Variants in RAE1 observed in about 807,000 individuals in gnomAD.
RAE1 encodes mRNA export factor RAE1.
RAE1 carries 13 observed loss-of-function variants against 52.7 expected under a neutral mutation model. That is an observed-to-expected ratio of 0.25 (90% CI 0.16 to 0.39). RAE1 has a LOEUF of 0.39. Among genes scored for constraint, RAE1 ranks in the 10% least tolerant of loss-of-function variants. The probability of loss-of-function intolerance (pLI) is 1.00; values close to 1 mark genes in which losing one functional copy is unlikely to be tolerated. For synonymous variants in RAE1, 164 were observed against 153.1 expected, an observed-to-expected ratio of 1.07 and a Z score of -0.52; for missense variants, 262 against 459.8, an observed-to-expected ratio of 0.57 and a Z score of 3.93.
chr20:57,366,929 C>G (rs1035890808), intron 6 of RAE1, 36 bp downstream of exon 6: 1 of 1,587,130 alleles, frequency 6.3e-7, no homozygotes, highest in Non-Finnish European at 8.7e-7. Flanking sequence ...TTGGCCCCAT[C>G]AGGATTGTCA....
chr20:57,355,110 A>G (rs977579453), intron 3 of RAE1, among the ~76,000 whole-genome samples: 14 of 152,232 alleles, frequency 9.2e-5, no homozygotes, highest in Admixed American at 7.9e-4. Flanking sequence ...CATTATACCC[A>G]GTGGCACACA....
intron 1 of RAE1, chr20:57,351,725 A>G (rs1600699884): frequency 5.1e-6 from 5 of 985,330 alleles, no homozygotes; most frequent in African/African-American, 1.7e-5. Flanking sequence ...CGTCAGATAC[A>G]TGTCAGCTCC....
chr20:57,373,431 T>G, intron 8 of RAE1, 44 bp from the exon 9 acceptor site: 1 of 1,567,218 alleles, frequency 6.4e-7, no homozygotes, highest in Non-Finnish European at 8.7e-7. Flanking sequence ...TCATGAAATC[T>G]TATATTATGC....
At chr20:57,366,726 C>T in intron 5 of RAE1, 81 bp from the exon 6 acceptor site, 1 of 1,317,362 alleles carries the variant, frequency 7.6e-7, no homozygotes, top group African/African-American at 1.5e-5. Context: ...TTAGTTTCTT[C>T]CCTTTGAATT....
At chr20:57,351,979 G>A (rs1375486944) in intron 1 of RAE1, 2 of 985,318 alleles carry the variant, frequency 2.0e-6, no homozygotes, top group Non-Finnish European at 2.4e-6. Flanking sequence ...GACCCAGTAT[G>A]CATTAAGGGA....
rs73291819 is a variant in RAE1, at chr20:57,355,802, G to C, written c.196-644G>C. On this transcript the variant is annotated intron_variant, in intron 3 of 11. Coordinates refer to ENST00000395841, the MANE Select transcript of RAE1 (RefSeq NM_003610.4). ...AACAGGAGGGAGGATGGTAGTCAAGGTTGAGCAAGCTTGCTTTCTACATGT... is the reference window on the plus strand; with the variant it reads ...AACAGGAGGGAGGATGGTAGTCAAGCTTGAGCAAGCTTGCTTTCTACATGT... Among the ~76,000 whole-genome samples the C allele has an allele frequency of 3.9e-3, 596 of 152,312 alleles. 3 individuals carry two copies. Among genetic ancestry groups the C allele is most frequent in the African/African-American group, 0.014 (581 of 41,554 alleles).
intron 8 of RAE1, among the ~76,000 whole-genome samples, chr20:57,370,243 G>A (rs1029943565): frequency 4.6e-5 from 7 of 152,232 alleles, no homozygotes; most frequent in East Asian, 1.9e-4. Flanking sequence ...TGTTTTTGGC[G>A]TGACTACCAG....
At chr20:57,353,665 A>G (rs971688163) in intron 1 of RAE1, among the ~76,000 whole-genome samples, 11 of 152,280 alleles carry the variant, frequency 7.2e-5, no homozygotes, top group African/African-American at 2.7e-4. Flanking sequence ...CCTGCTGCGC[A>G]GCTCAGGGTC....
At chr20:57,357,525 A>G (rs1384467091) in intron 4 of RAE1, 1 of 152,154 alleles carries the variant, frequency 6.6e-6, no homozygotes, top group Non-Finnish European at 1.5e-5. Context: ...TAAAAGATGT[A>G]CGAGTTGGTC....
chr20:57,366,712 T>C lies in RAE1; in HGVS notation c.376-95T>C, dbSNP rs902987206. On this transcript the variant is annotated intron_variant, in intron 5 of 11. Coordinates refer to ENST00000395841, the MANE Select transcript of RAE1 (RefSeq NM_003610.4). The stretch of plus-strand genomic sequence containing the variant: ...TTTTGTTTGGTATGGCCCCAGTATT[T>C]AAATTAGTTTCTTCCCTTTGAATTG... The C allele has an allele frequency of 2.5e-6, 3 of 1,202,746 alleles. No individual in the cohort carries two copies. The African/African-American group carries it at 4.5e-5, about 18-fold the overall frequency. The allele number at this position is 1,202,746 out of a possible 1,614,324, so 74.5% of individuals were successfully genotyped here.
At chr20:57,351,905 G>T in intron 1 of RAE1, 4 of 985,474 alleles carry the variant, frequency 4.1e-6, no homozygotes, top group Non-Finnish European at 4.8e-6. Flanking sequence ...CACCGTACAG[G>T]CAGTACTTCT....
intron 1 of RAE1, among the ~76,000 whole-genome samples, chr20:57,352,901 GAGGGCAGA>G (rs2066731604): frequency 6.6e-6 from 1 of 152,218 alleles, no homozygotes; most frequent in Non-Finnish European, 1.5e-5. Flanking sequence ...CTCTGCATTT[GAGGGCAGA>G]AGTGTGGCCG....
intron 7 of RAE1, among the ~76,000 whole-genome samples, chr20:57,368,299 C>T (rs561602232): frequency 2.6e-5 from 4 of 152,184 alleles, no homozygotes; most frequent in African/African-American, 7.2e-5. Context: ...GAAGCCACTG[C>T]TAGTACTTGA....
intron 4 of RAE1, among the ~76,000 whole-genome samples, chr20:57,360,891 T>C (rs1222818044): frequency 6.6e-6 from 1 of 152,236 alleles, no homozygotes; most frequent in Non-Finnish European, 1.5e-5. Flanking sequence ...CTGCTCCTTT[T>C]GATCCGGGTG....
chr20:57,358,876 G>C (rs2066842460), intron 4 of RAE1: 2 of 1,078,230 alleles, frequency 1.9e-6, no homozygotes, highest in South Asian at 5.5e-5. Flanking sequence ...TTTTAATGCA[G>C]GGATAGGAGG....
intron 1 of RAE1, among the ~76,000 whole-genome samples, chr20:57,352,170 A>T (rs1254784598): frequency 7.4e-6 from 1 of 135,734 alleles, no homozygotes; most frequent in South Asian, 2.3e-4. Flanking sequence ...GAAGTATAAA[A>T]TAACATTAAT....
chr20:57,377,960 A>T, intron 11 of RAE1, 53 bp from the exon 12 acceptor site: 2 of 1,399,110 alleles, frequency 1.4e-6, no homozygotes, highest in African/African-American at 1.4e-5. Flanking sequence ...GCACCTACAA[A>T]TGCTAACTTT....
chr20:57,357,977 A>G (rs1166813986), intron 4 of RAE1: 1 of 152,214 alleles, frequency 6.6e-6, no homozygotes, highest in East Asian at 1.9e-4. Context: ...CACAGCTCAT[A>G]GTGCGCTGAT....
At chr20:57,362,936 A>G (rs1352211002) in intron 4 of RAE1, among the ~76,000 whole-genome samples, 1 of 152,032 alleles carries the variant, frequency 6.6e-6, no homozygotes, top group East Asian at 1.9e-4. Flanking sequence ...GCCCACCACC[A>G]CACCCAGCTA....
Sources: allele counts gnomAD v4.1 joint callset (sites outside exome capture counted in the v4.1 genomes callset), GRCh38; gene constraint gnomAD v4.1.1; transcripts MANE v1.5; gene names NCBI Gene and HGNC (gene_info 2026-07-23, HGNC 2026-07-21).